The following ZNF385D variants were observed in gnomAD, a reference collection of about 807,000 sequenced individuals.
The protein encoded by ZNF385D is zinc finger protein 385D.
ZNF385D carries 15 observed loss-of-function variants against 35.8 expected under a neutral mutation model. That is an observed-to-expected ratio of 0.42 (90% CI 0.28 to 0.64). The LOEUF (loss-of-function observed/expected upper bound fraction) is 0.64. Ranked by LOEUF, ZNF385D falls within the 30% of genes least tolerant of loss-of-function variation. The probability of loss-of-function intolerance (pLI) is 0.23; values close to 1 mark genes in which losing one functional copy is unlikely to be tolerated. For synonymous variants in ZNF385D, 212 were observed against 186.8 expected, an observed-to-expected ratio of 1.13 and a Z score of -1.10; for missense variants, 474 against 494.6, an observed-to-expected ratio of 0.96 and a Z score of 0.39.
At chr3:22,020,259 G>T (rs948604286) in intron 3 of ZNF385D, among the ~76,000 whole-genome samples, 1 of 151,848 alleles carries the variant, frequency 6.6e-6, no homozygotes, top group African/African-American at 2.4e-5. Flanking sequence ...AGCCAGCAAG[G>T]TCTCTACAGA....
intron 3 of ZNF385D, among the ~76,000 whole-genome samples, chr3:21,778,128 C>T (rs1182876384): frequency 6.6e-6 from 1 of 152,010 alleles, no homozygotes; most frequent in South Asian, 2.1e-4. Context: ...CATACACACT[C>T]AATGCAAAAA....
At chr3:21,658,441 A>C (rs182068043) in intron 2 of ZNF385D, among the ~76,000 whole-genome samples, 2 of 152,156 alleles carry the variant, frequency 1.3e-5, no homozygotes, top group East Asian at 3.9e-4. Context: ...TAAAACAGTG[A>C]GTGCTTAGAA....
chr3:21,660,689 A>G (rs2066211838), intron 2 of ZNF385D, among the ~76,000 whole-genome samples: 1 of 152,228 alleles, frequency 6.6e-6, no homozygotes, highest in Non-Finnish European at 1.5e-5. Context: ...GTTCTGAACA[A>G]CAACCCAAAG....
At position 21,757,627 on chromosome 3, in the gene ZNF385D, G is replaced by A. The variant is rs116062912; in HGVS notation, c.326-92599C>T. ...TCCCGTGCCAAGTACTGTCCTAGGC[G>A]CTAAAGGTATATTAATGAAATTACA... On this transcript the variant is annotated intron_variant, in intron 3 of 5. Transcript: ENST00000494108. 1.3e-3 allele frequency among the ~76,000 whole-genome samples: 205 copies of A among 152,240 alleles called. 1 individual carries two copies. The highest frequency in any genetic ancestry group is 4.6e-3 in the African/African-American group (189 of 41,528).
chr3:22,156,197 T>C (rs1285940488), intron 3 of ZNF385D, among the ~76,000 whole-genome samples: 9 of 151,916 alleles, frequency 5.9e-5, no homozygotes, highest in African/African-American at 2.2e-4. Flanking sequence ...ATTACCACCA[T>C]ATGAAGACAC....
chr3:22,039,341 C>T (rs1301450043), intron 3 of ZNF385D, among the ~76,000 whole-genome samples: 4 of 151,510 alleles, frequency 2.6e-5, no homozygotes, highest in Non-Finnish European at 5.9e-5. Context: ...ATGTCAACTT[C>T]CTAAAATCAG....
intron 2 of ZNF385D, among the ~76,000 whole-genome samples, chr3:22,173,764 C>A (rs573023961): frequency 2.6e-4 from 40 of 152,274 alleles, no homozygotes; most frequent in Non-Finnish European, 4.4e-4. Context: ...TACAAACTTA[C>A]AATGGAAAGG....
intron 2 of ZNF385D, among the ~76,000 whole-genome samples, chr3:22,339,155 A>T (rs1695309923): frequency 1.3e-5 from 2 of 152,206 alleles, no homozygotes; most frequent in Non-Finnish European, 2.9e-5. Flanking sequence ...CTTGCTAATA[A>T]ACTACTCCTC....
intron 3 of ZNF385D, among the ~76,000 whole-genome samples, chr3:21,760,808 A>G (rs964078844): frequency 1.3e-5 from 2 of 152,164 alleles, no homozygotes; most frequent in Non-Finnish European, 2.9e-5. Flanking sequence ...TGATAATTCA[A>G]TGGTAGTATT....
intron 2 of ZNF385D, among the ~76,000 whole-genome samples, chr3:21,589,900 A>G (rs2063919780): frequency 6.6e-6 from 1 of 152,198 alleles, no homozygotes; most frequent in African/African-American, 2.4e-5. Flanking sequence ...AGGTGGGAGT[A>G]AAAATTAGTA....
intron 1 of ZNF385D, among the ~76,000 whole-genome samples, chr3:21,725,498 G>A (rs1191652784): frequency 1.3e-5 from 2 of 152,062 alleles, no homozygotes; most frequent in Non-Finnish European, 2.9e-5. Flanking sequence ...TGATACAGGG[G>A]ATATCACAAC....
At chr3:21,894,108 T>C (rs560383922) in intron 3 of ZNF385D, among the ~76,000 whole-genome samples, 1 of 152,292 alleles carries the variant, frequency 6.6e-6, no homozygotes, top group Admixed American at 6.5e-5. Flanking sequence ...TTTTTAAACT[T>C]GCATAGTCAT....
intron 3 of ZNF385D, among the ~76,000 whole-genome samples, chr3:21,990,886 G>T (rs1296016771): frequency 6.6e-6 from 1 of 152,118 alleles, no homozygotes; most frequent in African/African-American, 2.4e-5. Flanking sequence ...AAATCTTCTG[G>T]CAATAACTCA....
intron 2 of ZNF385D, among the ~76,000 whole-genome samples, chr3:22,298,673 G>T (rs2125408414): frequency 6.8e-6 from 1 of 147,590 alleles, no homozygotes; most frequent in East Asian, 2.0e-4. Context: ...AAATGGGTAT[G>T]CCTAAAATTA....
chr3:21,644,642 TATTCCAGGAAAG>T (rs1284488236), intron 2 of ZNF385D, among the ~76,000 whole-genome samples: 1 of 152,220 alleles, frequency 6.6e-6, no homozygotes, highest in Non-Finnish European at 1.5e-5. Context: ...ACCTGCTGTA[TATTCCAGGAAAG>T]ACTGAACACA....
At chr3:21,988,995 C>T (rs1382008812) in intron 3 of ZNF385D, among the ~76,000 whole-genome samples, 2 of 152,152 alleles carry the variant, frequency 1.3e-5, no homozygotes, top group African/African-American at 4.8e-5. Context: ...TGAGGCAATG[C>T]CTCGCCCTGC....
chr3:21,582,570 G>C (rs1282865843), intron 2 of ZNF385D, among the ~76,000 whole-genome samples: 1 of 152,058 alleles, frequency 6.6e-6, no homozygotes, highest in East Asian at 1.9e-4. Context: ...TTTAATAAAG[G>C]TCAAGTGTTC....
intron 4 of ZNF385D, among the ~76,000 whole-genome samples, chr3:21,509,866 C>A (rs192707471): frequency 4.3e-4 from 66 of 152,296 alleles, no homozygotes; most frequent in African/African-American, 1.4e-3. Flanking sequence ...CATCCCCAGT[C>A]CTTGGAAGAG....
chr3:21,517,682 C>A (rs1707665962), intron 3 of ZNF385D, among the ~76,000 whole-genome samples: 1 of 152,154 alleles, frequency 6.6e-6, no homozygotes, highest in South Asian at 2.1e-4. Context: ...ATACGGTAAT[C>A]TGACTAGTTA....
Sources: allele counts gnomAD v4.1 joint callset (sites outside exome capture counted in the v4.1 genomes callset), GRCh38; gene constraint gnomAD v4.1.1; transcripts MANE v1.5; gene names NCBI Gene and HGNC (gene_info 2026-07-23, HGNC 2026-07-21).